The following ACYP2 variants were observed in gnomAD, a reference collection of about 807,000 sequenced individuals.
The protein encoded by ACYP2 is acylphosphatase 2.
ACYP2 carries 12 observed loss-of-function variants against 11.2 expected under a neutral mutation model. The observed-to-expected ratio is 1.08, with a 90% confidence interval of 0.69 to 1.74. The LOEUF (loss-of-function observed/expected upper bound fraction) is 1.74, where lower values mean the gene tolerates loss of function less well. ACYP2 is among the 40% of genes most tolerant of loss of function. The pLI is 0.00. For synonymous variants in ACYP2, 43 were observed against 32.2 expected (o/e 1.33, Z -1.13); for missense variants, 134 against 101.9 (o/e 1.31, Z -1.35).
chr2:54,259,543 G>C (rs1687692816), intron 6 of ACYP2, among the ~76,000 whole-genome samples: 1 of 151,700 alleles, frequency 6.6e-6, no homozygotes, highest in Admixed American at 6.6e-5. Flanking sequence ...AAGGTGTTCA[G>C]CTGTGTCACA....
At chr2:54,056,579 C>A (rs1423481184) in intron 3 of ACYP2, among the ~76,000 whole-genome samples, 2 of 152,076 alleles carry the variant, frequency 1.3e-5, no homozygotes, top group East Asian at 3.8e-4. Context: ...TGAATGATAT[C>A]TTTCTTTGCA....
At chr2:54,180,913 A>G (rs79717532) in intron 6 of ACYP2, among the ~76,000 whole-genome samples, 3,542 of 152,240 alleles carry the variant, frequency 0.023, 120 homozygotes, top group African/African-American at 0.076. Flanking sequence ...CTCAGCCCTC[A>G]CAACCTAATC....
At chr2:54,010,537 G>T (rs568173172) in intron 2 of ACYP2, among the ~76,000 whole-genome samples, 38 of 150,932 alleles carry the variant, frequency 2.5e-4, no homozygotes, top group African/African-American at 9.2e-4. Context: ...ATTGTACATT[G>T]TATGCCTGTA....
chr2:54,098,086 C>T (rs1572747768), intron 4 of ACYP2, among the ~76,000 whole-genome samples: 1 of 151,782 alleles, frequency 6.6e-6, no homozygotes, highest in Non-Finnish European at 1.5e-5. Flanking sequence ...CCTCAGCCTC[C>T]CCAGTAGCTG....
intron 6 of ACYP2, among the ~76,000 whole-genome samples, chr2:54,201,652 TTC>T (rs777206836): frequency 4.7e-4 from 44 of 93,478 alleles, no homozygotes; most frequent in Non-Finnish European, 7.7e-4. Context: ...CTTTCTTTCT[TTC>T]TTTCTTTCTT....
At chr2:54,262,239 C>T (rs1046795717) in intron 6 of ACYP2, among the ~76,000 whole-genome samples, 2 of 152,010 alleles carry the variant, frequency 1.3e-5, no homozygotes, top group African/African-American at 4.8e-5. Context: ...CCAGTGAATG[C>T]GATACAGGAG....
At chr2:54,267,956 C>T (rs1389063055) in intron 6 of ACYP2, among the ~76,000 whole-genome samples, 1 of 152,174 alleles carries the variant, frequency 6.6e-6, no homozygotes, top group Non-Finnish European at 1.5e-5. Context: ...TGTTGAAATT[C>T]AAATAAATTC....
intron 2 of ACYP2, among the ~76,000 whole-genome samples, chr2:54,007,502 C>A (rs1673140065): frequency 6.6e-6 from 1 of 152,294 alleles, no homozygotes; most frequent in South Asian, 2.1e-4. Context: ...ATCCACCCAC[C>A]TTGGCCTCCC....
chr2:54,144,535 G>A (rs978949105), intron 6 of ACYP2, among the ~76,000 whole-genome samples: 5 of 151,932 alleles, frequency 3.3e-5, no homozygotes, highest in South Asian at 2.1e-4. Flanking sequence ...TTAGCCAGGC[G>A]TGGTGGTACA....
intron 2 of ACYP2, among the ~76,000 whole-genome samples, chr2:53,981,453 T>C (rs1429493161): frequency 2.0e-5 from 3 of 152,182 alleles, no homozygotes; most frequent in Non-Finnish European, 2.9e-5. Context: ...ATCAGTCTGA[T>C]TGGTTGTGGA....
intron 6 of ACYP2, among the ~76,000 whole-genome samples, chr2:54,186,116 G>A (rs1371738079): frequency 6.6e-6 from 1 of 152,102 alleles, no homozygotes; most frequent in Non-Finnish European, 1.5e-5. Flanking sequence ...TATAAAGAGA[G>A]AACTTTTTTA....
chr2:54,045,388 G>T (rs545700837), intron 2 of ACYP2, among the ~76,000 whole-genome samples: 4 of 152,176 alleles, frequency 2.6e-5, no homozygotes, highest in Non-Finnish European at 5.9e-5. Flanking sequence ...GTGTATTGGC[G>T]TGTTACTATG....
chr2:54,280,167 G>A (rs1455350441), intron 6 of ACYP2, among the ~76,000 whole-genome samples: 1 of 152,164 alleles, frequency 6.6e-6, no homozygotes, highest in Non-Finnish European at 1.5e-5. Context: ...ATCTTGACCT[G>A]CATCCCTGGC....
rs1168917459 is a variant in ACYP2, at chr2:54,195,794, GTTTTTTT to G, written c.404+57061_404+57067del. On this transcript the variant is annotated intron_variant, in intron 6 of 6. Coordinates refer to ENST00000607452, the MANE Select transcript of ACYP2 (RefSeq NM_001320586.2). ...GTACATTGTCATCGTTTTGTTGTGG[GTTTTTTT>G]TTTTTTTTTTTTTTGAGACAGAGTT... 6.3e-4 allele frequency among the ~76,000 whole-genome samples: 52 copies of G among 83,150 alleles called. No homozygotes were observed. The East Asian group carries it at 0.019, about 31-fold the overall frequency. 54.5% of individuals were successfully genotyped at this position (83,150 alleles called of 152,430 possible).
At chr2:54,077,920 A>G (rs1677431902) in intron 4 of ACYP2, among the ~76,000 whole-genome samples, 1 of 152,058 alleles carries the variant, frequency 6.6e-6, no homozygotes, top group African/African-American at 2.4e-5. Flanking sequence ...GTTCTAAGCA[A>G]ACCCCCTCAG....
intron 2 of ACYP2, chr2:53,975,294 C>T (rs1274664875): frequency 7.5e-6 from 3 of 397,804 alleles, no homozygotes; most frequent in Non-Finnish European, 1.3e-5. Context: ...AACATCTGAA[C>T]TGGAAAAGTT....
chr2:54,097,897 CTCCT>C (rs1210695932), intron 4 of ACYP2, among the ~76,000 whole-genome samples: 5 of 127,582 alleles, frequency 3.9e-5, no homozygotes, highest in South Asian at 2.4e-4. Flanking sequence ...CCCTCCCTCC[CTCCT>C]TCCTTCCTTT....
chr2:54,099,060 G>A (rs1241876985), intron 4 of ACYP2, among the ~76,000 whole-genome samples: 1 of 152,072 alleles, frequency 6.6e-6, no homozygotes, highest in Non-Finnish European at 1.5e-5. Context: ...ACCTCTATTT[G>A]GTGTTCCATC....
intron 1 of ACYP2, among the ~76,000 whole-genome samples, chr2:53,972,509 A>T (rs1312740895): frequency 6.6e-6 from 1 of 152,114 alleles, no homozygotes; most frequent in Non-Finnish European, 1.5e-5. Context: ...CGGGAGGCTG[A>T]GGCAGGAGAA....
Sources: allele counts gnomAD v4.1 joint callset (sites outside exome capture counted in the v4.1 genomes callset), GRCh38; gene constraint gnomAD v4.1.1; transcripts MANE v1.5; gene names NCBI Gene and HGNC (gene_info 2026-07-23, HGNC 2026-07-21).